CNTNAP4: variants seen among roughly 807,000 people sequenced by gnomAD.
The protein encoded by CNTNAP4 is contactin-associated protein-like 4.
A neutral mutation model predicts 148.4 loss-of-function variants in CNTNAP4; 98 were observed. The observed-to-expected ratio is 0.66, with a 90% confidence interval of 0.56 to 0.78. CNTNAP4 has a LOEUF of 0.78. CNTNAP4 is among the 30% of genes least tolerant of loss of function. The pLI is 0.00. For synonymous variants in CNTNAP4, 730 were observed against 565.1 expected (o/e 1.29, Z -4.14); for missense variants, 1,935 against 1,565.6 (o/e 1.24, Z -3.98).
intron 3 of CNTNAP4, among the ~76,000 whole-genome samples, chr16:76,400,776 C>T (rs2078381379): frequency 6.6e-6 from 1 of 152,168 alleles, no homozygotes; most frequent in Admixed American, 6.5e-5. Flanking sequence ...GCTATCTCAG[C>T]ACTATTTATT....
intron 2 of CNTNAP4, among the ~76,000 whole-genome samples, chr16:76,330,502 A>G (rs1963407669): frequency 6.6e-6 from 1 of 152,208 alleles, no homozygotes; most frequent in Non-Finnish European, 1.5e-5. Flanking sequence ...GTGTTTATGA[A>G]TGCACTTGCC....
intron 2 of CNTNAP4, among the ~76,000 whole-genome samples, chr16:76,339,071 T>A (rs934052910): frequency 1.3e-5 from 2 of 152,168 alleles, no homozygotes; most frequent in Non-Finnish European, 2.9e-5. Flanking sequence ...GTAGTTTCTG[T>A]GTTTGAAATT....
chr16:76,507,510 A>C (rs1597774306), intron 15 of CNTNAP4, among the ~76,000 whole-genome samples: 1 of 97,350 alleles, frequency 1.0e-5, no homozygotes, highest in African/African-American at 2.6e-5. Context: ...TTCACTTTAC[A>C]TAATGACCTC....
chr16:76,535,811 A>C, intron 18 of CNTNAP4, 27 bp downstream of exon 18: 1 of 1,591,574 alleles, frequency 6.3e-7, no homozygotes, highest in Non-Finnish European at 8.6e-7. Context: ...AGACTGTAAG[A>C]GGAAAATTTA....
intron 10 of CNTNAP4, among the ~76,000 whole-genome samples, chr16:76,473,777 C>G (rs577119948): frequency 1.3e-5 from 2 of 151,854 alleles, no homozygotes; most frequent in African/African-American, 4.8e-5. Context: ...CCATCCCAAA[C>G]AAATAAAAAT....
chr16:76,320,911 T>G (rs1597182855), intron 2 of CNTNAP4, among the ~76,000 whole-genome samples: 1 of 152,190 alleles, frequency 6.6e-6, no homozygotes, highest in Non-Finnish European at 1.5e-5. Flanking sequence ...AATAATATAT[T>G]TACAAGTGTG....
chr16:76,405,649 T>C (rs2078576727), intron 3 of CNTNAP4, among the ~76,000 whole-genome samples: 3 of 152,080 alleles, frequency 2.0e-5, no homozygotes, highest in African/African-American at 7.2e-5. Context: ...TGTCTTCGTG[T>C]TGAGTAGTCT....
chr16:76,502,115 C>T (rs2082674261), intron 15 of CNTNAP4, among the ~76,000 whole-genome samples: 1 of 152,100 alleles, frequency 6.6e-6, no homozygotes, highest in African/African-American at 2.4e-5. Context: ...TTTAGAGACC[C>T]ACTAATTAAT....
intron 10 of CNTNAP4, among the ~76,000 whole-genome samples, chr16:76,473,680 A>C (rs1313320321): frequency 2.6e-5 from 4 of 152,116 alleles, no homozygotes; most frequent in African/African-American, 9.7e-5. Context: ...AGGCTGAGGC[A>C]GGAGAATGGC....
chr16:76,349,778 C>T (rs1211953851), intron 2 of CNTNAP4, among the ~76,000 whole-genome samples: 1 of 151,988 alleles, frequency 6.6e-6, no homozygotes, highest in Non-Finnish European at 1.5e-5. Context: ...TGTTTTGTGT[C>T]CTTGAACATC....
intron 3 of CNTNAP4, among the ~76,000 whole-genome samples, chr16:76,412,820 T>C (rs1040840965): frequency 2.0e-5 from 3 of 151,488 alleles, no homozygotes; most frequent in South Asian, 4.1e-4. Flanking sequence ...GACATCAGTT[T>C]CCTTTCATGG....
chr16:76,528,050 A>G (rs28578977), intron 17 of CNTNAP4, among the ~76,000 whole-genome samples: 11,684 of 152,198 alleles, frequency 0.077, 626 homozygotes, highest in African/African-American at 0.15. Flanking sequence ...GAATATTTCA[A>G]ATAACAAAGT....
At chr16:76,322,161 C>T (rs955576418) in intron 2 of CNTNAP4, among the ~76,000 whole-genome samples, 3 of 152,172 alleles carry the variant, frequency 2.0e-5, no homozygotes, top group Non-Finnish European at 4.4e-5. Context: ...TGAAGAATTA[C>T]GTGAATTGCA....
rs531035326 is a variant in CNTNAP4 at position 76,388,675 on chromosome 16, A to T, written c.390+33164A>T. ...GTTATAAACACATATACATCTATTG[A>T]TTTATTGCCTGTCTATGCTAGGAAA... On this transcript the variant is annotated intron_variant, in intron 3 of 23. Transcript: ENST00000611870. Among the ~76,000 whole-genome samples the T allele has an allele frequency of 1.1e-3, 166 of 152,342 alleles. 1 individual carries two copies. Among genetic ancestry groups the T allele is most frequent in the African/African-American group, 3.8e-3 (159 of 41,588 alleles).
At chr16:76,519,857 C>T (rs1460228220) in intron 15 of CNTNAP4, among the ~76,000 whole-genome samples, 1 of 152,106 alleles carries the variant, frequency 6.6e-6, no homozygotes, top group Admixed American at 6.6e-5. Context: ...ATCAGATCCA[C>T]CAGAAAAACA....
chr16:76,463,088 A>G (rs962897856), intron 9 of CNTNAP4, among the ~76,000 whole-genome samples: 69 of 152,364 alleles, frequency 4.5e-4, no homozygotes, highest in African/African-American at 1.6e-3. Context: ...AGGGCCAACA[A>G]TCTGAAAATA....
rs1298893404 is a variant in CNTNAP4 at position 76,537,811 on chromosome 16, T to TA, written c.2996-299dup. Among the ~76,000 whole-genome samples, 3 of 151,994 alleles carry TA rather than the reference T, an allele frequency of 2.0e-5. No individual in the cohort carries two copies. The East Asian group carries it at 5.8e-4, about 29-fold the overall frequency. On this transcript the variant is annotated intron_variant, in intron 18 of 23. Coordinates refer to ENST00000611870, the MANE Select transcript of CNTNAP4 (RefSeq NM_033401.5). ...TAACAGATGGGAGTTAAAATTTAAA[T>TA]AAAAAAGTAGATGATCAAGGAGATA...
chr16:76,306,281 A>G (rs888883236), intron 1 of CNTNAP4, among the ~76,000 whole-genome samples: 2 of 152,128 alleles, frequency 1.3e-5, no homozygotes, highest in African/African-American at 4.8e-5. Flanking sequence ...AAGGTTATAG[A>G]CTTTCATTTC....
At chr16:76,309,905 C>T (rs1960911391) in intron 1 of CNTNAP4, 1 of 701,842 alleles carries the variant, frequency 1.4e-6, no homozygotes, top group African/African-American at 1.7e-5. Flanking sequence ...CTATGTGGAA[C>T]TGTGAGTCCG....
Sources: allele counts gnomAD v4.1 joint callset (sites outside exome capture counted in the v4.1 genomes callset), GRCh38; gene constraint gnomAD v4.1.1; transcripts MANE v1.5; gene names NCBI Gene and HGNC (gene_info 2026-07-23, HGNC 2026-07-21).